PIK3C2G: variants seen among roughly 807,000 people sequenced by gnomAD.
PIK3C2G encodes phosphatidylinositol 3-kinase C2 domain-containing subunit gamma.
In PIK3C2G, 168 loss-of-function variants were observed where a neutral mutation model predicts 181.1. The observed-to-expected ratio is 0.93, with a 90% CI of 0.82 to 1.05. The LOEUF is 1.05. Ranked by LOEUF, PIK3C2G falls within the 50% of genes least tolerant of loss-of-function variation. The pLI, the probability that PIK3C2G is intolerant of heterozygous loss-of-function variation, is 0.00. For synonymous variants in PIK3C2G, 573 were observed against 592.2 expected, an observed-to-expected ratio of 0.97 and a Z score of 0.47; for missense variants, 1,869 against 1,732.8, an observed-to-expected ratio of 1.08 and a Z score of -1.40.
chr12:18,561,425 GCTACTATCTCA>G (rs1379716700), intron 26 of PIK3C2G, among the ~76,000 whole-genome samples: 6 of 152,170 alleles, frequency 3.9e-5, no homozygotes, highest in Non-Finnish European at 8.8e-5. Flanking sequence ...GCTGTAGTGA[GCTACTATCTCA>G]CCACTGTATT....
intron 32 of PIK3C2G, among the ~76,000 whole-genome samples, chr12:18,644,336 C>A (rs1950004361): frequency 6.6e-6 from 1 of 152,080 alleles, no homozygotes; most frequent in African/African-American, 2.4e-5. Context: ...TCTTTCCACG[C>A]CACTACTTTT....
At chr12:18,642,220 T>A (rs771041049) in intron 32 of PIK3C2G, among the ~76,000 whole-genome samples, 26 of 152,220 alleles carry the variant, frequency 1.7e-4, no homozygotes, top group Non-Finnish European at 7.3e-5. Context: ...TTATAGTTTT[T>A]TCTAAAAGTT....
At chr12:18,397,261 TAAAC>T (rs1943950837) in intron 15 of PIK3C2G, among the ~76,000 whole-genome samples, 2 of 152,100 alleles carry the variant, frequency 1.3e-5, no homozygotes, top group South Asian at 2.1e-4. Context: ...AATGTTTTCT[TAAAC>T]AAATAAAGAA....
intron 31 of PIK3C2G, among the ~76,000 whole-genome samples, chr12:18,624,213 C>T (rs1041999586): frequency 7.9e-5 from 12 of 151,602 alleles, no homozygotes; most frequent in Non-Finnish European, 1.3e-4. Context: ...TCTTTCCATA[C>T]CAAATTTCTT....
chr12:18,436,551 TC>T (rs980517441), intron 18 of PIK3C2G, among the ~76,000 whole-genome samples: 3 of 151,942 alleles, frequency 2.0e-5, no homozygotes, highest in Admixed American at 6.6e-5. Flanking sequence ...TAACCATCTA[TC>T]CTTAACATAG....
chr12:18,553,844 A>G (rs976188894), intron 26 of PIK3C2G, among the ~76,000 whole-genome samples: 8 of 151,914 alleles, frequency 5.3e-5, no homozygotes, highest in Admixed American at 5.3e-4. Flanking sequence ...TACCTTTTAG[A>G]CTCATATGCA....
At chr12:18,291,521 A>C (rs924169967) in intron 4 of PIK3C2G, among the ~76,000 whole-genome samples, 11 of 152,166 alleles carry the variant, frequency 7.2e-5, no homozygotes, top group African/African-American at 2.7e-4. Context: ...GACACCCAGG[A>C]ATTTATATTT....
In PIK3C2G at chr12:18,566,957, A is replaced by T; in HGVS notation, c.3911A>T (p.His1304Leu). 1 of 1,578,632 alleles carries T rather than the reference A, an allele frequency of 6.3e-7. No individual in the cohort carries two copies. Among genetic ancestry groups the T allele is most frequent in the Admixed American group, 1.7e-5 (1 of 59,548 alleles). The change falls in exon 29 of 33, where the codon CAT becomes CTT. Residue 1304 changes from histidine (H) to leucine (L), a missense_variant. Physicochemically the swap from His to Leu is moderately conservative, Grantham distance 99 (BLOSUM62 -3). Coordinates refer to ENST00000538779, the MANE Select transcript of PIK3C2G (RefSeq NM_001288772.2). ...TTTTTCTCTTAAAACAGGTTTCCTCATTGGTGGCACCTACCTTTTACAAAT... is the reference window on the plus strand; with the variant it reads ...TTTTTCTCTTAAAACAGGTTTCCTCTTTGGTGGCACCTACCTTTTACAAAT... ...FASLTLPEFP[H>L]WWHLPFTNSD... is the part of the protein sequence containing the mutation.
chr12:18,379,621 T>A (rs1016161509), intron 13 of PIK3C2G, among the ~76,000 whole-genome samples: 2 of 152,162 alleles, frequency 1.3e-5, no homozygotes, highest in Non-Finnish European at 2.9e-5. Flanking sequence ...TAAAAGCAGA[T>A]CCTTTGCCCT....
At chr12:18,423,130 TGAGA>T (rs144744234) in intron 17 of PIK3C2G, among the ~76,000 whole-genome samples, 11 of 149,222 alleles carry the variant, frequency 7.4e-5, no homozygotes, top group South Asian at 4.3e-4. Flanking sequence ...TCTGAAGCTT[TGAGA>T]GAGAGAGAGA....
intron 24 of PIK3C2G, among the ~76,000 whole-genome samples, chr12:18,524,887 TA>T (rs1225304386): frequency 6.6e-6 from 1 of 151,958 alleles, no homozygotes; most frequent in Non-Finnish European, 1.5e-5. Context: ...TTTTCTTGTT[TA>T]AAAAACAGAT....
At chr12:18,573,770 C>T (rs1051656869) in intron 29 of PIK3C2G, among the ~76,000 whole-genome samples, 7 of 152,110 alleles carry the variant, frequency 4.6e-5, no homozygotes, top group African/African-American at 1.2e-4. Context: ...TTTGCTTCTC[C>T]GTCTCTTTCT....
intron 14 of PIK3C2G, among the ~76,000 whole-genome samples, chr12:18,384,694 T>C (rs1943058277): frequency 6.6e-6 from 1 of 152,164 alleles, no homozygotes; most frequent in African/African-American, 2.4e-5. Flanking sequence ...CAAGTGGAAT[T>C]TGAAGGAAAA....
intron 16 of PIK3C2G, among the ~76,000 whole-genome samples, chr12:18,400,624 T>G (rs1199803593): frequency 6.6e-6 from 1 of 152,070 alleles, no homozygotes; most frequent in East Asian, 1.9e-4. Flanking sequence ...CATGAAGAAC[T>G]TTCTTCATGT....
chr12:18,619,083 A>C (rs1327076783), intron 31 of PIK3C2G, among the ~76,000 whole-genome samples: 1 of 150,806 alleles, frequency 6.6e-6, no homozygotes, highest in Non-Finnish European at 1.5e-5. Flanking sequence ...ATTTAATTAT[A>C]TTATATATTA....
intron 26 of PIK3C2G, among the ~76,000 whole-genome samples, chr12:18,554,151 G>T (rs1420515989): frequency 6.6e-6 from 1 of 152,062 alleles, no homozygotes; most frequent in African/African-American, 2.4e-5. Context: ...GGTAGACCTA[G>T]TGAGTACAGA....
intron 1 of PIK3C2G, among the ~76,000 whole-genome samples, chr12:18,279,254 G>T (rs2137104474): frequency 6.6e-6 from 1 of 151,934 alleles, no homozygotes; most frequent in Non-Finnish European, 1.5e-5. Context: ...GTCTTTATTT[G>T]CTCAGTGGTA....
At chr12:18,403,035 C>A (rs1247556295) in intron 16 of PIK3C2G, among the ~76,000 whole-genome samples, 2 of 152,142 alleles carry the variant, frequency 1.3e-5, no homozygotes, top group Non-Finnish European at 2.9e-5. Context: ...AGCTTATAAT[C>A]TGAACCATTC....
chr12:18,341,078 A>C (rs569204230), intron 9 of PIK3C2G, among the ~76,000 whole-genome samples: 1 of 152,312 alleles, frequency 6.6e-6, no homozygotes, highest in African/African-American at 2.4e-5. Flanking sequence ...CCAGTTCTTA[A>C]CGAATTGGCA....
Sources: gnomAD v4.1 joint callset for allele counts (sites outside exome capture counted in the v4.1 genomes callset) on GRCh38, gnomAD v4.1.1 for gene constraint, MANE v1.5 for transcripts, NCBI Gene and HGNC (gene_info 2026-07-23, HGNC 2026-07-21) for gene names.